TSHR: variants seen among roughly 807,000 people sequenced by gnomAD.
TSHR encodes the protein thyrotropin receptor.
A neutral mutation model predicts 64.1 loss-of-function variants in TSHR; 51 were observed. The ratio of observed to expected loss-of-function variants is 0.80; its 90% CI spans 0.64 to 1.01. TSHR has a LOEUF of 1.01. Ranked by LOEUF, TSHR falls within the 50% of genes least tolerant of loss-of-function variation. TSHR has a pLI of 0.00. For missense variants in TSHR, 877 were observed against 942.8 expected (o/e 0.93, Z 0.91); for synonymous variants, 361 against 361.9 (o/e 1.00, Z 0.03).
chr14:80,970,234 T>A (rs1887525121), intron 1 of TSHR, among the ~76,000 whole-genome samples: 1 of 152,236 alleles, frequency 6.6e-6, no homozygotes, highest in African/African-American at 2.4e-5. Context: ...CTAGGCCACC[T>A]ATTCATGAAT....
intron 3 of TSHR, among the ~76,000 whole-genome samples, chr14:81,084,097 A>T (rs1263000987): frequency 6.6e-6 from 1 of 152,178 alleles, no homozygotes; most frequent in Non-Finnish European, 1.5e-5. Context: ...GGAGATTACA[A>T]CTGGGGTTAC....
At chr14:81,058,113 A>G (rs1342072066) in intron 1 of TSHR, among the ~76,000 whole-genome samples, 1 of 152,186 alleles carries the variant, frequency 6.6e-6, no homozygotes, top group Non-Finnish European at 1.5e-5. Flanking sequence ...CTTTACATTA[A>G]CCATATTTCT....
intron 3 of TSHR, among the ~76,000 whole-genome samples, chr14:81,073,320 G>A (rs1887255780): frequency 6.6e-6 from 1 of 151,652 alleles, no homozygotes; most frequent in African/African-American, 2.4e-5. Flanking sequence ...TACCAAAATA[G>A]TAAATATACT....
At chr14:80,987,166 TTGTATTC>T (rs1409992127) in intron 1 of TSHR, among the ~76,000 whole-genome samples, 27 of 152,258 alleles carry the variant, frequency 1.8e-4, no homozygotes, top group Admixed American at 1.0e-3. Flanking sequence ...GATCTAAGGA[TTGTATTC>T]TGTATCTCCT....
chr14:81,037,108 C>T (rs1884663863), intron 1 of TSHR, among the ~76,000 whole-genome samples: 2 of 151,682 alleles, frequency 1.3e-5, no homozygotes, highest in South Asian at 4.2e-4. Flanking sequence ...CACCATTGTA[C>T]TCTAGCCCAG....
At chr14:80,973,737 A>G (rs1887719665) in intron 1 of TSHR, among the ~76,000 whole-genome samples, 1 of 152,228 alleles carries the variant, frequency 6.6e-6, no homozygotes, top group Non-Finnish European at 1.5e-5. Flanking sequence ...GATGTTTCTT[A>G]TAATAATATT....
At chr14:80,978,787 C>A (rs1377011873) in intron 1 of TSHR, among the ~76,000 whole-genome samples, 4 of 152,172 alleles carry the variant, frequency 2.6e-5, no homozygotes, top group Non-Finnish European at 5.9e-5. Context: ...CTTTCATCTT[C>A]TCTGTTTGCA....
At chr14:81,077,704 T>C (rs1266593378) in intron 3 of TSHR, among the ~76,000 whole-genome samples, 1 of 152,198 alleles carries the variant, frequency 6.6e-6, no homozygotes, top group African/African-American at 2.4e-5. Flanking sequence ...ATTGATATGG[T>C]TGGATTTCAG....
intron 5 of TSHR, among the ~76,000 whole-genome samples, chr14:81,092,155 C>A (rs571704410): frequency 3.5e-4 from 54 of 152,276 alleles, no homozygotes; most frequent in African/African-American, 1.3e-3. Flanking sequence ...TCCTTTAATC[C>A]TTTTATCCTG....
chr14:81,071,242 A>G (rs1887046659), intron 3 of TSHR, among the ~76,000 whole-genome samples: 1 of 152,244 alleles, frequency 6.6e-6, no homozygotes, highest in Non-Finnish European at 1.5e-5. Flanking sequence ...TGTCAACATT[A>G]GAAATACTTA....
chr14:81,050,197 A>G (rs1288276722), intron 1 of TSHR: 2 of 152,244 alleles, frequency 1.3e-5, no homozygotes, highest in Non-Finnish European at 2.9e-5. Flanking sequence ...TCAGCAATAA[A>G]GCCAAAGGAA....
chr14:81,032,632 T>A (rs1884407108), intron 1 of TSHR: 1 of 429,876 alleles, frequency 2.3e-6, no homozygotes, highest in African/African-American at 2.1e-5. Context: ...AAGGACTGCA[T>A]GAATTGAACA....
chr14:81,070,077 G>A (rs1253769681), intron 3 of TSHR, among the ~76,000 whole-genome samples: 1 of 152,050 alleles, frequency 6.6e-6, no homozygotes. Context: ...ACTATAATCA[G>A]TCTGAAGCAT....
Position 81,143,581 on chromosome 14 carries a change from C to T in TSHR, c.1523C>T (p.Ser508Leu), listed in dbSNP as rs772490052. Residue 508 changes from serine (S) to leucine (L), a missense_variant, in exon 10 of 10, where the codon TCG becomes TTG. Transcript: ENST00000298171. ...TTCACTGTCTTTGCAAGCGAGTTAT[C>T]GGTGTATACGCTGACGGTCATCACC... ...GFFTVFASEL[S>L]VYTLTVITLE... is the part of the protein sequence containing the mutation. The T allele has an allele frequency of 5.0e-6, 8 of 1,613,366 alleles. No homozygotes were observed. Among genetic ancestry groups the T allele is most frequent in the South Asian group, 3.3e-5 (3 of 91,074 alleles).
At chr14:81,091,992 GA>G (rs573790846) in intron 5 of TSHR, among the ~76,000 whole-genome samples, 5 of 151,668 alleles carry the variant, frequency 3.3e-5, no homozygotes, top group East Asian at 3.9e-4. Context: ...GGTTTTGCTA[GA>G]AAAAAAAATT....
chr14:81,142,932 C>G lies in TSHR; in HGVS notation c.882-8C>G. 6.2e-7 allele frequency: 1 copy of G among 1,613,782 alleles called. No homozygotes were observed. The highest frequency in any genetic ancestry group is 1.3e-5 in the African/African-American group (1 of 74,990). The stretch of plus-strand genomic sequence containing the variant: ...GCCTGGCACTGACTCTTTTCTGTTG[C>G]CTTGCAGAATCCTTGAGTCCTTGAT... On this transcript the variant is annotated splice_region_variant and splice_polypyrimidine_tract_variant and intron_variant, in intron 9 of 9. Transcript: ENST00000298171.
chr14:81,058,954 A>G lies in TSHR; in HGVS notation c.171-3194A>G, dbSNP rs540919397. Among the ~76,000 whole-genome samples, 182 of 152,288 alleles carry G rather than the reference A, an allele frequency of 1.2e-3. 2 individuals carry two copies. Among genetic ancestry groups the G allele is most frequent in the Admixed American group, 1.7e-3 (26 of 15,272 alleles). On this transcript the variant is annotated intron_variant, in intron 1 of 9. Coordinates refer to ENST00000298171, the MANE Select transcript of TSHR (RefSeq NM_000369.5). ...GCCCCTTGCCCCTAGATGGAGGGAT[A>G]AAAACAGATAGATGACAAACATTCT... is the stretch of plus-strand genomic sequence containing the variant.
chr14:81,071,463 A>C (rs1261155493), intron 3 of TSHR, among the ~76,000 whole-genome samples: 1 of 152,156 alleles, frequency 6.6e-6, no homozygotes, highest in Non-Finnish European at 1.5e-5. Flanking sequence ...TCTTTAATGT[A>C]AAATTTTTTT....
At chr14:80,962,515 C>G (rs1887088650) in intron 1 of TSHR, among the ~76,000 whole-genome samples, 1 of 152,148 alleles carries the variant, frequency 6.6e-6, no homozygotes, top group Non-Finnish European at 1.5e-5. Flanking sequence ...TTAGGCTCAC[C>G]CTCATTCACT....
Sources: allele counts gnomAD v4.1 joint callset (sites outside exome capture counted in the v4.1 genomes callset), GRCh38; gene constraint gnomAD v4.1.1; transcripts MANE v1.5; gene names NCBI Gene and HGNC (gene_info 2026-07-23, HGNC 2026-07-21).